SPPL3: variants seen among roughly 807,000 people sequenced by gnomAD.
SPPL3 encodes the protein signal peptide peptidase like 3.
SPPL3 carries 5 observed loss-of-function variants against 42.4 expected under a neutral mutation model. The ratio of observed to expected loss-of-function variants is 0.12; its 90% CI spans 0.06 to 0.25. SPPL3 has a LOEUF of 0.25. Among genes scored for constraint, SPPL3 ranks in the 10% least tolerant of loss-of-function variants. The probability of loss-of-function intolerance (pLI) is 1.00; values close to 1 mark genes in which losing one functional copy is unlikely to be tolerated. For missense variants in SPPL3, 235 were observed against 489.0 expected, an observed-to-expected ratio of 0.48 and a Z score of 4.90; for synonymous variants, 195 against 181.8, an observed-to-expected ratio of 1.07 and a Z score of -0.58.
chr12:120,815,921 G>A (rs1566049797), intron 1 of SPPL3, among the ~76,000 whole-genome samples: 2 of 151,930 alleles, frequency 1.3e-5, no homozygotes, highest in South Asian at 2.1e-4. Flanking sequence ...TTAGAGACAG[G>A]GTTTTGTCAC....
chr12:120,831,800 G>T (rs898081331), intron 1 of SPPL3, among the ~76,000 whole-genome samples: 1 of 152,194 alleles, frequency 6.6e-6, no homozygotes, highest in East Asian at 1.9e-4. Flanking sequence ...TTGAGAGAAA[G>T]AATCTGATAA....
chr12:120,878,447 C>T (rs1215715517), intron 1 of SPPL3, among the ~76,000 whole-genome samples: 2 of 152,184 alleles, frequency 1.3e-5, no homozygotes, highest in African/African-American at 4.8e-5. Flanking sequence ...AATGCCTAAT[C>T]AAGGGATTGG....
chr12:120,765,129 T>C, intron 10 of SPPL3, 59 bp from the exon 11 acceptor site: 1 of 1,542,964 alleles, frequency 6.5e-7, no homozygotes, highest in Non-Finnish European at 8.8e-7. Context: ...CACAGCTGTC[T>C]GATTCTTTAA....
chr12:120,861,063 C>T (rs760026069), intron 1 of SPPL3, among the ~76,000 whole-genome samples: 1 of 152,094 alleles, frequency 6.6e-6, no homozygotes, highest in Non-Finnish European at 1.5e-5. Context: ...AATGAAAACG[C>T]TATATAAATA....
intron 1 of SPPL3, among the ~76,000 whole-genome samples, chr12:120,886,177 C>A (rs1437206266): frequency 6.6e-6 from 1 of 151,882 alleles, no homozygotes; most frequent in Middle Eastern, 3.2e-3. Context: ...CAAATTCAGT[C>A]CTTCTAGTAA....
rs117797518 is a variant in SPPL3, at chr12:120,835,975, T to C, written c.24-25089A>G. Among the ~76,000 whole-genome samples, 66 of 152,300 alleles carry C rather than the reference T, an allele frequency of 4.3e-4. 1 individual carries two copies. The East Asian group carries it at 8.1e-3, about 19-fold the overall frequency. On this transcript the variant is annotated intron_variant, in intron 1 of 10. Transcript: ENST00000353487. Reference sequence around the variant, plus strand: ...TTAGCAACAGAAAACTATGTAACCATATCACATTCTCCTTTGTACTTTTTA... The same window carrying C: ...TTAGCAACAGAAAACTATGTAACCACATCACATTCTCCTTTGTACTTTTTA...
intron 1 of SPPL3, among the ~76,000 whole-genome samples, chr12:120,848,585 T>A (rs916808942): frequency 6.6e-6 from 1 of 152,242 alleles, no homozygotes; most frequent in African/African-American, 2.4e-5. Flanking sequence ...ATTTTAGAAT[T>A]GCTGTATTAT....
At position 120,802,335 on chromosome 12, in the gene SPPL3, ATATG is replaced by A. The variant is rs201825056; in HGVS notation, c.101+8470_101+8473del. 7.9e-4 allele frequency among the ~76,000 whole-genome samples: 117 copies of A among 147,462 alleles called. 1 individual carries two copies. The highest frequency in any genetic ancestry group is 3.6e-3 in the Middle Eastern group (1 of 274). On this transcript the variant is annotated intron_variant, in intron 2 of 10. Coordinates refer to ENST00000353487, the MANE Select transcript of SPPL3 (RefSeq NM_139015.5). ...TACATTTTTGGGCTGCTGCTTTTAT[ATATG>A]TATGTATGTATGTATGTGTGTATAT...
chr12:120,813,369 G>A (rs1870750901), intron 1 of SPPL3, among the ~76,000 whole-genome samples: 1 of 149,808 alleles, frequency 6.7e-6, no homozygotes, highest in Non-Finnish European at 1.5e-5. Flanking sequence ...CCAGGCTGGA[G>A]TGCAATGGCA....
At chr12:120,832,029 A>G (rs1871442496) in intron 1 of SPPL3, among the ~76,000 whole-genome samples, 1 of 152,230 alleles carries the variant, frequency 6.6e-6, no homozygotes, top group Non-Finnish European at 1.5e-5. Context: ...TTGCCTCTTT[A>G]TCACCAATCT....
intron 1 of SPPL3, among the ~76,000 whole-genome samples, chr12:120,874,838 G>A (rs1202911704): frequency 6.6e-6 from 1 of 152,022 alleles, no homozygotes; most frequent in South Asian, 2.1e-4. Flanking sequence ...ACAAACCTCC[G>A]TAACTGCCTC....
chr12:120,852,118 G>A (rs940656650), intron 1 of SPPL3, among the ~76,000 whole-genome samples: 1 of 151,802 alleles, frequency 6.6e-6, no homozygotes, highest in Non-Finnish European at 1.5e-5. Flanking sequence ...GTTTGAACCT[G>A]CAGGCCTGCG....
At chr12:120,813,458 C>T (rs1413099261) in intron 1 of SPPL3, among the ~76,000 whole-genome samples, 2 of 151,690 alleles carry the variant, frequency 1.3e-5, no homozygotes, top group Admixed American at 1.3e-4. Flanking sequence ...GCTGGGGTTA[C>T]AGGCGCCCCC....
intron 1 of SPPL3, among the ~76,000 whole-genome samples, chr12:120,827,569 GGAA>G (rs955491725): frequency 3.3e-5 from 5 of 152,024 alleles, no homozygotes; most frequent in African/African-American, 9.7e-5. Context: ...ACAGCTTCAA[GGAA>G]GAAGAACTAG....
At chr12:120,874,219 G>A (rs540226675) in intron 1 of SPPL3, among the ~76,000 whole-genome samples, 32 of 152,184 alleles carry the variant, frequency 2.1e-4, no homozygotes, top group African/African-American at 7.2e-4. Flanking sequence ...TAGGAAGACC[G>A]AGGAAGGCGA....
intron 4 of SPPL3, 110 bp downstream of exon 4, chr12:120,784,363 TA>T (rs1869642901): frequency 8.3e-7 from 1 of 1,198,058 alleles, no homozygotes; most frequent in South Asian, 1.7e-5. Flanking sequence ...CCAAGATTTA[TA>T]AGGAAAAACT....
At chr12:120,834,409 T>C (rs758987372) in intron 1 of SPPL3, among the ~76,000 whole-genome samples, 8 of 151,976 alleles carry the variant, frequency 5.3e-5, no homozygotes, top group Non-Finnish European at 1.0e-4. Flanking sequence ...GTAGGGGTGG[T>C]TGGTGGGGAC....
At chr12:120,823,585 C>T (rs1871141749) in intron 1 of SPPL3, among the ~76,000 whole-genome samples, 1 of 152,314 alleles carries the variant, frequency 6.6e-6, no homozygotes, top group South Asian at 2.1e-4. Context: ...TTCTCCTCTG[C>T]CCATCAGGGC....
At chr12:120,769,367 G>A (rs1160453686) in intron 6 of SPPL3, 2 of 252,822 alleles carry the variant, frequency 7.9e-6, no homozygotes, top group Non-Finnish European at 1.6e-5. Flanking sequence ...TTGTGGATGT[G>A]TTGTCCTTGC....
Sources: gnomAD v4.1 joint callset for allele counts (sites outside exome capture counted in the v4.1 genomes callset) on GRCh38, gnomAD v4.1.1 for gene constraint, MANE v1.5 for transcripts, NCBI Gene and HGNC (gene_info 2026-07-23, HGNC 2026-07-21) for gene names.